Variants in TRPM3 observed in about 807,000 individuals in gnomAD.
TRPM3 encodes the protein transient receptor potential cation channel subfamily M member 3.
TRPM3 carries 77 observed loss-of-function variants against 181.2 expected under a neutral mutation model. The observed-to-expected ratio is 0.42, with a 90% CI of 0.35 to 0.51. The LOEUF is 0.51. Ranked by LOEUF, TRPM3 falls within the 20% of genes least tolerant of loss-of-function variation. TRPM3 has a pLI of 0.01. For synonymous variants in TRPM3, 745 were observed against 796.4 expected (o/e 0.94, Z 1.09); for missense variants, 1,759 against 2,196.7 (o/e 0.80, Z 3.98).
At chr9:70,679,504 T>A (rs1367121361) in intron 9 of TRPM3, among the ~76,000 whole-genome samples, 2 of 152,226 alleles carry the variant, frequency 1.3e-5, no homozygotes, top group Non-Finnish European at 1.5e-5. Context: ...CCCCATTTGC[T>A]GTGAGTTTTG....
chr9:71,110,991 T>A (rs1309664820), intron 1 of TRPM3, among the ~76,000 whole-genome samples: 1 of 152,198 alleles, frequency 6.6e-6, no homozygotes, highest in Non-Finnish European at 1.5e-5. Flanking sequence ...AAGTAGAAGT[T>A]ATTACAGAAC....
chr9:70,665,007 G>C (rs896165700), intron 9 of TRPM3, among the ~76,000 whole-genome samples: 12 of 152,102 alleles, frequency 7.9e-5, no homozygotes, highest in African/African-American at 2.9e-4. Context: ...CATCACTCTG[G>C]ATTCTCCAGT....
In TRPM3 at chr9:71,348,544, TTATTTATA is replaced by T. The variant is rs1466424237; in HGVS notation, c.183+98101_183+98108del. Among the ~76,000 whole-genome samples the T allele has an allele frequency of 7.5e-3, 1,111 of 148,510 alleles. 18 individuals are homozygous for T. Among genetic ancestry groups the T allele is most frequent in the African/African-American group, 0.023 (930 of 40,532 alleles). ...GTTGACTTTTCTGAAAACAGTTTATTTATTTATATATTTATTTATTTATTTATTTATTT... is the reference window on the plus strand; with the variant it reads ...GTTGACTTTTCTGAAAACAGTTTATTTATTTATTTATTTATTTATTTATTT... On this transcript the variant is annotated intron_variant, in intron 1 of 24. Coordinates refer to the TRPM3 transcript ENST00000357533.
chr9:70,801,352 G>C (rs188245739), intron 6 of TRPM3, among the ~76,000 whole-genome samples: 2 of 152,030 alleles, frequency 1.3e-5, no homozygotes, highest in African/African-American at 4.8e-5. Context: ...CAAGTTTCTC[G>C]CTCCGTCTAA....
intron 1 of TRPM3, among the ~76,000 whole-genome samples, chr9:71,361,116 AG>A (rs1278615860): frequency 6.6e-6 from 1 of 152,112 alleles, no homozygotes; most frequent in East Asian, 1.9e-4. Flanking sequence ...CCTCCCAAGT[AG>A]CTGGGATTAC....
chr9:71,221,155 T>C (rs2080216036), intron 1 of TRPM3, among the ~76,000 whole-genome samples: 1 of 152,244 alleles, frequency 6.6e-6, no homozygotes, highest in African/African-American at 2.4e-5. Context: ...ATTAGGTTTC[T>C]GTAAATTATG....
rs1227246481 is a variant in TRPM3, at chr9:71,417,819, G to A, written c.183+28834C>T. On this transcript the variant is annotated intron_variant, in intron 1 of 24. Coordinates refer to the TRPM3 transcript ENST00000357533. ...TCCAAAAGCCAAACATCAAATAACT[G>A]TATATCCATCTTTATCTGTTCTCTC... Among the ~76,000 whole-genome samples, 3 of 151,814 alleles carry A rather than the reference G, an allele frequency of 2.0e-5. No homozygotes were observed. In the East Asian group the frequency reaches 5.8e-4, roughly 29 times the overall value.
chr9:70,683,211 A>G (rs2065897713), intron 8 of TRPM3, among the ~76,000 whole-genome samples: 1 of 152,082 alleles, frequency 6.6e-6, no homozygotes, highest in Non-Finnish European at 1.5e-5. Context: ...GCCTTCACAG[A>G]TATTTGAACT....
chr9:71,021,184 T>A (rs562660670), intron 1 of TRPM3, among the ~76,000 whole-genome samples: 1 of 152,238 alleles, frequency 6.6e-6, no homozygotes, highest in East Asian at 1.9e-4. Context: ...AAAACAAATA[T>A]GTAGTGTTTG....
intron 1 of TRPM3, among the ~76,000 whole-genome samples, chr9:71,360,971 A>T (rs1051113158): frequency 2.0e-5 from 3 of 152,160 alleles, no homozygotes; most frequent in Non-Finnish European, 4.4e-5. Context: ...TATATTAAAA[A>T]TTTTTGTAAC....
chr9:71,254,637 A>G (rs1396423324), intron 1 of TRPM3, among the ~76,000 whole-genome samples: 3 of 152,200 alleles, frequency 2.0e-5, no homozygotes, highest in Non-Finnish European at 4.4e-5. Flanking sequence ...ATTTTTTAAA[A>G]AAGAAATCAC....
chr9:71,296,623 T>C (rs1272533676), intron 1 of TRPM3, among the ~76,000 whole-genome samples: 2 of 152,070 alleles, frequency 1.3e-5, no homozygotes, highest in Admixed American at 6.6e-5. Flanking sequence ...GTTAGATGCT[T>C]GAATTTTATT....
In TRPM3 at chr9:70,625,057, T is replaced by A; in HGVS notation, c.1809+134A>T. 1 of 991,172 alleles carries A rather than the reference T, an allele frequency of 1.0e-6. No homozygotes were observed. The highest frequency in any genetic ancestry group is 1.6e-5 in the African/African-American group (1 of 61,090). The allele number at this position is 991,172 out of a possible 1,614,324, so 61.4% of individuals were successfully genotyped here. ...AAGATTAATTTGAATTTCATTACTTTTCTTTGATTGTTTAGGTTCACTCTC... is the reference window on the plus strand; with the variant it reads ...AAGATTAATTTGAATTTCATTACTTATCTTTGATTGTTTAGGTTCACTCTC... On this transcript the variant is annotated intron_variant, in intron 14 of 25. Coordinates refer to ENST00000677713, the MANE Select transcript of TRPM3 (RefSeq NM_001366145.2). The surrounding 1 kb of genome is among the most constrained non-coding windows in gnomAD (Gnocchi z 4.8).
At chr9:70,965,296 A>G (rs907290456) in intron 1 of TRPM3, among the ~76,000 whole-genome samples, 3 of 152,078 alleles carry the variant, frequency 2.0e-5, no homozygotes, top group East Asian at 3.8e-4. Flanking sequence ...TGATTTTACA[A>G]CTTCAAAAAA....
chr9:71,229,637 G>A (rs2080918708), intron 1 of TRPM3, among the ~76,000 whole-genome samples: 1 of 152,120 alleles, frequency 6.6e-6, no homozygotes, highest in Non-Finnish European at 1.5e-5. Context: ...GATCTGAATA[G>A]ATATTTCTCA....
At chr9:70,869,504 C>T (rs1240804852) in intron 1 of TRPM3, among the ~76,000 whole-genome samples, 1 of 151,926 alleles carries the variant, frequency 6.6e-6, no homozygotes. Flanking sequence ...CATTGTTCCA[C>T]CATCCCCAAA....
At chr9:71,080,094 C>T (rs1211508720) in intron 1 of TRPM3, among the ~76,000 whole-genome samples, 2 of 151,566 alleles carry the variant, frequency 1.3e-5, no homozygotes, top group Admixed American at 6.6e-5. Context: ...CGCTTGAACC[C>T]GGGAGGCAGA....
chr9:71,360,299 C>T (rs374823683), intron 1 of TRPM3, among the ~76,000 whole-genome samples: 1 of 152,134 alleles, frequency 6.6e-6, no homozygotes, highest in East Asian at 1.9e-4. Context: ...GAACGAGTCT[C>T]TACCATTTTG....
intron 1 of TRPM3, among the ~76,000 whole-genome samples, chr9:71,399,947 G>A (rs1261420233): frequency 6.6e-6 from 1 of 152,062 alleles, no homozygotes; most frequent in African/African-American, 2.4e-5. Flanking sequence ...AAAAGATCAG[G>A]TTCTCTGGAT....
Sources: allele counts gnomAD v4.1 joint callset (sites outside exome capture counted in the v4.1 genomes callset), GRCh38; gene constraint gnomAD v4.1.1; non-coding constraint Gnocchi (gnomAD v3.1); transcripts MANE v1.5; gene names NCBI Gene and HGNC (gene_info 2026-07-23, HGNC 2026-07-21).